IL20RA: variants seen among roughly 807,000 people sequenced by gnomAD.
The protein encoded by IL20RA is interleukin 20 receptor subunit alpha.
Under a neutral mutation model 36.5 loss-of-function variants are expected in IL20RA, and 29 were observed. That is an observed-to-expected ratio of 0.79 (90% CI 0.59 to 1.08). The LOEUF is 1.08. Among genes scored for constraint, IL20RA ranks in the 50% least tolerant of loss-of-function variants. The pLI is 0.00. For synonymous variants in IL20RA, 279 were observed against 267.1 expected, an observed-to-expected ratio of 1.04 and a Z score of -0.43; for missense variants, 652 against 668.4, an observed-to-expected ratio of 0.98 and a Z score of 0.27.
At chr6:137,011,489 C>T (rs373657721) in intron 2 of IL20RA, 37 bp from the exon 3 acceptor site, 3 of 1,389,900 alleles carry the variant, frequency 2.2e-6, no homozygotes, top group African/African-American at 2.9e-5. Flanking sequence ...ATGAGGTGCC[C>T]TCTATACTTT....
chr6:137,018,928 G>T (rs1775804006), intron 1 of IL20RA, among the ~76,000 whole-genome samples: 1 of 152,068 alleles, frequency 6.6e-6, no homozygotes, highest in South Asian at 2.1e-4. Context: ...AAAATAGACT[G>T]TGCATTATAA....
chr6:137,004,474 C>T (rs114244716), intron 6 of IL20RA, 147 bp downstream of exon 6: 53 of 837,306 alleles, frequency 6.3e-5, no homozygotes, highest in Non-Finnish European at 4.2e-5. Context: ...CCATGCCCAG[C>T]CCAGAAACTG....
At chr6:137,011,948 A>G (rs996614074) in intron 2 of IL20RA, among the ~76,000 whole-genome samples, 2 of 152,224 alleles carry the variant, frequency 1.3e-5, no homozygotes, top group African/African-American at 4.8e-5. Flanking sequence ...GAGTGCATAC[A>G]GAAATCTGCA....
At chr6:137,041,766 A>T in intron 1 of IL20RA, among the ~76,000 whole-genome samples, 1 of 151,904 alleles carries the variant, frequency 6.6e-6, no homozygotes, top group South Asian at 2.1e-4. Context: ...CATAAGCTAT[A>T]CTTTTTTCCT....
intron 1 of IL20RA, among the ~76,000 whole-genome samples, chr6:137,031,625 G>T (rs2115415712): frequency 6.6e-6 from 1 of 152,266 alleles, no homozygotes; most frequent in South Asian, 2.1e-4. Flanking sequence ...TATGATGTTT[G>T]CACAAGGATG....
intron 5 of IL20RA, among the ~76,000 whole-genome samples, chr6:137,005,135 A>G (rs1205494021): frequency 6.6e-6 from 1 of 152,258 alleles, no homozygotes; most frequent in East Asian, 1.9e-4. Flanking sequence ...AATTTCAAAC[A>G]AACAACAAAA....
chr6:137,004,159 CTTTTTTTTTTTTT>C (rs140038413), intron 6 of IL20RA, among the ~76,000 whole-genome samples: 3 of 88,006 alleles, frequency 3.4e-5, no homozygotes, highest in Admixed American at 1.3e-4. Context: ...ATCCAGAAAG[CTTTTTTTTTTTTT>C]TTTTTTTTTT....
At chr6:137,040,326 A>C (rs956909977) in intron 1 of IL20RA, among the ~76,000 whole-genome samples, 1 of 152,052 alleles carries the variant, frequency 6.6e-6, no homozygotes, top group Non-Finnish European at 1.5e-5. Context: ...ACGTTAGTCT[A>C]TACACACATA....
chr6:137,036,393 T>C (rs747575346), intron 1 of IL20RA, among the ~76,000 whole-genome samples: 5 of 152,170 alleles, frequency 3.3e-5, no homozygotes, highest in Non-Finnish European at 7.3e-5. Context: ...TGGGATCTCA[T>C]TCAGAAATAA....
In IL20RA at chr6:137,001,921, C is replaced by T; in HGVS notation, c.1299G>A (p.Glu433=). ...EEVSTQGTLL[E]SQAALAVLGP... is the part of the protein sequence containing the mutation. ...CCAAGACTGCCAACGCTGCCTGCGACTCCAATAATGTTCCTTGTGTGGACA... is the reference window on the plus strand; with the variant it reads ...CCAAGACTGCCAACGCTGCCTGCGATTCCAATAATGTTCCTTGTGTGGACA... The change falls in exon 7 of 7, where the codon GAG becomes GAA. Residue 433 remains glutamate (E), a synonymous_variant. Coordinates refer to ENST00000316649, the MANE Select transcript of IL20RA (RefSeq NM_014432.4). The T allele has an allele frequency of 6.2e-7, 1 of 1,614,108 alleles. No individual in the cohort carries two copies. Among genetic ancestry groups the T allele is most frequent in the Non-Finnish European group, 8.5e-7 (1 of 1,180,012 alleles).
At chr6:137,010,929 A>C (rs1229841108) in intron 3 of IL20RA, among the ~76,000 whole-genome samples, 1 of 152,050 alleles carries the variant, frequency 6.6e-6, no homozygotes, top group Non-Finnish European at 1.5e-5. Context: ...ACTTGGTTAA[A>C]CCTTTCACTC....
intron 2 of IL20RA, among the ~76,000 whole-genome samples, chr6:137,014,700 TCC>T (rs146490348): frequency 2.3e-4 from 34 of 150,620 alleles, no homozygotes; most frequent in African/African-American, 8.3e-4. Context: ...CACTTATAGT[TCC>T]CCCCCCCTTT....
intron 1 of IL20RA, chr6:137,038,198 T>G (rs562207647): frequency 4.7e-5 from 7 of 149,540 alleles, no homozygotes; most frequent in Admixed American, 2.0e-4. Flanking sequence ...ATAGTTCTTT[T>G]GTTCTCCTTT....
At chr6:137,005,991 C>T (rs932910785) in intron 5 of IL20RA, among the ~76,000 whole-genome samples, 14 of 152,134 alleles carry the variant, frequency 9.2e-5, no homozygotes, top group African/African-American at 3.4e-4. Flanking sequence ...TTCTATTGGT[C>T]CTGTTTCTCT....
Position 137,000,523 on chromosome 6 carries a change from G to C in IL20RA, c.*1035C>G, listed in dbSNP as rs1374238918. ...TAGAAAGCTATTGTTTTATGGCATA[G>C]TTTAGTTCCTACAGTAAATTTCATC... is the stretch of plus-strand genomic sequence containing the variant. On this transcript the variant is annotated 3_prime_UTR_variant, in exon 7 of 7. Transcript: ENST00000316649. 1 of 152,140 alleles carries C rather than the reference G, an allele frequency of 6.6e-6. No individual in the cohort carries two copies. Among genetic ancestry groups the C allele is most frequent in the Non-Finnish European group, 1.5e-5 (1 of 68,018 alleles). The allele number at this position is 152,140 out of a possible 1,614,324, so 9.4% of individuals were successfully genotyped here.
chr6:137,011,986 A>G (rs1040554443), intron 2 of IL20RA, among the ~76,000 whole-genome samples: 1 of 152,232 alleles, frequency 6.6e-6, no homozygotes, highest in African/African-American at 2.4e-5. Flanking sequence ...GATGATGATA[A>G]TATTGACTAG....
chr6:137,004,174 T>TTTTTTTTTTTTTTTTTTTTTTTTG (rs1562228088), intron 6 of IL20RA, among the ~76,000 whole-genome samples: 16 of 124,440 alleles, frequency 1.3e-4, no homozygotes, highest in Admixed American at 3.3e-4. Flanking sequence ...TTTTTTTTTT[T>TTTTTTTTTTTTTTTTTTTTTTTTG]TTTTTTTTTT....
At position 137,010,511 on chromosome 6, in the gene IL20RA, C is replaced by T. The variant is rs556832876; in HGVS notation, c.403+763G>A. On this transcript the variant is annotated intron_variant, in intron 3 of 6. Transcript: ENST00000316649. ...CAGAAAGGGTGTTGTTGGATTTGTCCCAAGGGTAGTTTTCTGACCTCTGAT... is the reference window on the plus strand; with the variant it reads ...CAGAAAGGGTGTTGTTGGATTTGTCTCAAGGGTAGTTTTCTGACCTCTGAT... 2.0e-5 allele frequency among the ~76,000 whole-genome samples: 3 copies of T among 152,160 alleles called. No individual in the cohort carries two copies. The South Asian group carries it at 6.2e-4, about 32-fold the overall frequency.
At chr6:137,034,127 C>T (rs553016735) in intron 1 of IL20RA, among the ~76,000 whole-genome samples, 20 of 152,190 alleles carry the variant, frequency 1.3e-4, no homozygotes, top group African/African-American at 4.3e-4. Flanking sequence ...TTGAGGCTGC[C>T]GATGATCTTG....
Sources: gnomAD v4.1 joint callset for allele counts (sites outside exome capture counted in the v4.1 genomes callset) on GRCh38, gnomAD v4.1.1 for gene constraint, MANE v1.5 for transcripts, NCBI Gene and HGNC (gene_info 2026-07-23, HGNC 2026-07-21) for gene names.